Variants in FBF1 observed in about 807,000 individuals in gnomAD.
FBF1 encodes the protein fas-binding factor 1.
In FBF1, 119 loss-of-function variants were observed where a neutral mutation model predicts 147.2. The ratio of observed to expected loss-of-function variants is 0.81; its 90% CI spans 0.70 to 0.94. The LOEUF (loss-of-function observed/expected upper bound fraction) is 0.94. Ranked by LOEUF, FBF1 falls within the 40% of genes least tolerant of loss-of-function variation. The pLI is 0.00. For synonymous variants in FBF1, 601 were observed against 609.0 expected, an observed-to-expected ratio of 0.99 and a Z score of 0.19; for missense variants, 1,449 against 1,500.8, an observed-to-expected ratio of 0.97 and a Z score of 0.57.
chr17:75,932,118 C>T (rs771046906), intron 5 of FBF1, among the ~76,000 whole-genome samples: 22 of 152,246 alleles, frequency 1.4e-4, no homozygotes, highest in Middle Eastern at 3.4e-3. Flanking sequence ...CGGTGGCGCA[C>T]GCCTGTAATA....
At chr17:75,912,135 G>A in intron 29 of FBF1, 57 bp downstream of exon 29, 1 of 1,511,730 alleles carries the variant, frequency 6.6e-7, no homozygotes, top group Non-Finnish European at 9.0e-7. Context: ...CCCTGCCTCT[G>A]CCCTGAGCTG....
chr17:75,935,757 G>A (rs1295350300), intron 3 of FBF1, 84 bp from the exon 4 acceptor site: 7 of 1,332,310 alleles, frequency 5.3e-6, no homozygotes, highest in Non-Finnish European at 7.1e-6. Flanking sequence ...CTCGCCAGAA[G>A]GCGTCAGACC....
At position 75,922,269 on chromosome 17, in the gene FBF1, G is replaced by A. The variant is rs1173744655; in HGVS notation, c.1425-223C>T. Among the ~76,000 whole-genome samples the A allele has an allele frequency of 6.6e-6, 1 of 152,034 alleles. No individual in the cohort carries two copies. Among genetic ancestry groups the A allele is most frequent in the Non-Finnish European group, 1.5e-5 (1 of 68,014 alleles). ...TTCCTGCCTCAATGTCCACAGTGGT[G>A]CAGTGAATGGACACTGTCCAAGCAG... On this transcript the variant is annotated intron_variant, in intron 14 of 29. Transcript: ENST00000636174. This position sits in a 1 kb window ranked among gnomAD's most constrained non-coding sequence, Gnocchi z 5.0.
intron 7 of FBF1, 34 bp downstream of exon 7, chr17:75,929,963 C>CCCCCCCCCA: frequency 1.4e-6 from 2 of 1,393,450 alleles, no homozygotes; most frequent in Middle Eastern, 2.1e-4. Context: ...CCACCCACCC[C>CCCCCCCCCA]CAGTTCTAAG....
chr17:75,934,081 C>G (rs1173124334), intron 4 of FBF1, among the ~76,000 whole-genome samples: 11 of 152,164 alleles, frequency 7.2e-5, no homozygotes, highest in Non-Finnish European at 1.5e-4. Flanking sequence ...AAAACTAGTA[C>G]ACGAACGTTC....
At position 75,915,026 on chromosome 17, in the gene FBF1, T is replaced by C. The variant is rs200586314; in HGVS notation, c.2619A>G (p.Glu873=). The change falls in exon 24 of 30, where the codon GAA becomes GAG. Residue 873 remains glutamate (E), a synonymous_variant. Coordinates refer to ENST00000636174, the MANE Select transcript of FBF1 (RefSeq NM_001319193.2). ...CGGTGGCTTGACTCACCTTGGCCCG[T>C]TCCAGCTCCGCCCTTTCCATGGCCA... is the stretch of plus-strand genomic sequence containing the variant. ...QQMAMERAEL[E]RAKSALLEEQ... is the part of the protein sequence containing the mutation. 88 of 1,613,464 alleles carry C rather than the reference T, an allele frequency of 5.5e-5. 1 individual carries two copies. In the African/African-American group the frequency reaches 1.0e-3, roughly 19 times the overall value.
intron 3 of FBF1, among the ~76,000 whole-genome samples, chr17:75,936,317 AAAC>A (rs2065624829): frequency 6.7e-6 from 1 of 149,876 alleles, no homozygotes; most frequent in South Asian, 2.1e-4. Flanking sequence ...CCGTCTCAAA[AAAC>A]AACAAAAAGA....
chr17:75,927,356 T>A, intron 9 of FBF1, 99 bp downstream of exon 9: 1 of 963,810 alleles, frequency 1.0e-6, no homozygotes, highest in East Asian at 2.6e-5. Flanking sequence ...GGCACCCATG[T>A]GACATAGGCA....
chr17:75,917,797 G>A lies in FBF1; in HGVS notation c.2440C>T (p.Arg814Trp), dbSNP rs1053589484. 1.1e-5 allele frequency: 18 copies of A among 1,610,442 alleles called. No homozygotes were observed. Among genetic ancestry groups the A allele is most frequent in the Non-Finnish European group, 1.4e-5 (17 of 1,179,154 alleles). ...QQRDMEEERSRQQEVIGKMEA... is the reference protein window; with the variant it reads ...QQRDMEEERSWQQEVIGKMEA... ...ATCTTCCCGATGACCTCCTGTTGCC[G>A]GCTCCGCTCCTCCTCCATGTCCCGC... The change falls in exon 23 of 30, where the codon CGG becomes TGG. Residue 814 changes from arginine to tryptophan, a missense_variant. Transcript: ENST00000636174.
chr17:75,921,897 G>A (rs2065530124), intron 15 of FBF1, 48 bp downstream of exon 15: 3 of 1,473,688 alleles, frequency 2.0e-6, no homozygotes, highest in East Asian at 4.9e-5. Flanking sequence ...AGAGGCCTGT[G>A]CTGCCCACCA....
intron 23 of FBF1, among the ~76,000 whole-genome samples, chr17:75,915,844 C>T (rs112487187): frequency 4.6e-5 from 7 of 151,588 alleles, no homozygotes; most frequent in African/African-American, 1.7e-4. Context: ...CCCATCTCTA[C>T]TAAAAATACA....
rs779084315 is a variant in FBF1 at position 75,938,038 on chromosome 17, T to TG, written c.3+108dup. 14 of 1,523,546 alleles carry TG rather than the reference T, an allele frequency of 9.2e-6. No individual in the cohort carries two copies. The East Asian group carries it at 3.3e-4, about 36-fold the overall frequency. 94.4% of individuals were successfully genotyped at this position (1,523,546 alleles called of 1,614,324 possible). On this transcript the variant is annotated intron_variant, in intron 2 of 29. Transcript: ENST00000636174. ...TCACTCTTCTCCAGGGTCTCCATCC[T>TG]GGTCCTTGCCGCCCAGCCCCCAGAG...
rs765802801 is a variant in FBF1 at position 75,913,992 on chromosome 17, T to A, written c.3050A>T (p.Gln1017Leu). 3.2e-6 allele frequency: 5 copies of A among 1,572,334 alleles called. No individual in the cohort carries two copies. In the Admixed American group the frequency reaches 8.9e-5, roughly 28 times the overall value. ...CTGCAACCGGGCCTGCTGCTCTGCC[T>A]GCACCTGCTGGGCCTCGCGCAATGC... ...ERALREAQQV[Q>L]AEQQARLQAV... The change falls in exon 27 of 30, where the codon CAG becomes CTG. Residue 1017 changes from glutamine (Q) to leucine (L), a missense_variant. Physicochemically the swap from Gln to Leu is moderately radical, Grantham distance 113. Transcript: ENST00000636174.
chr17:75,932,047 T>C (rs1472152433), intron 5 of FBF1, among the ~76,000 whole-genome samples: 1 of 152,142 alleles, frequency 6.6e-6, no homozygotes, highest in Non-Finnish European at 1.5e-5. Context: ...CTGCTGACCT[T>C]TTGTGCAGTT....
Position 75,925,866 on chromosome 17 carries a change from G to T in FBF1, c.868+164C>A, listed in dbSNP as rs143730049. The stretch of plus-strand genomic sequence containing the variant: ...CAACTGAGCACGAACAGTGGTCACG[G>T]TAAGTATTATTTCACGGTAAGTATT... On this transcript the variant is annotated intron_variant, in intron 12 of 29. Transcript: ENST00000636174. The surrounding 1 kb of genome is among the most constrained non-coding windows in gnomAD (Gnocchi z 5.0). Among the ~76,000 whole-genome samples, 38 of 152,312 alleles carry T rather than the reference G, an allele frequency of 2.5e-4. No individual in the cohort carries two copies. Among genetic ancestry groups the T allele is most frequent in the African/African-American group, 8.9e-4 (37 of 41,568 alleles).
Position 75,919,683 on chromosome 17 carries a change from A to T in FBF1, c.2123T>A (p.Leu708His). 6.2e-7 allele frequency: 1 copy of T among 1,606,286 alleles called. No individual in the cohort carries two copies. The highest frequency in any genetic ancestry group is 1.1e-5 in the South Asian group (1 of 90,224). Residue 708 changes from leucine to histidine, a missense_variant, in exon 20 of 30, where the codon CTC becomes CAC. Coordinates refer to ENST00000636174, the MANE Select transcript of FBF1 (RefSeq NM_001319193.2). The surrounding 1 kb of genome is among the most constrained non-coding windows in gnomAD (Gnocchi z 5.0). ...TGGGCCTCACCGCTGCAGCTCCCGG[A>T]GCCGCTCCATTTCCTGGTCCTTCTC... ...AQEKDQEMER[L>H]RELQRASILD...
chr17:75,928,301 A>T lies in FBF1; in HGVS notation c.280-108T>A. The T allele has an allele frequency of 1.2e-6, 1 of 827,656 alleles. No individual in the cohort carries two copies. Among genetic ancestry groups the T allele is most frequent in the Non-Finnish European group, 2.0e-6 (1 of 506,864 alleles). The allele number at this position is 827,656 out of a possible 1,614,324, so 51.3% of individuals were successfully genotyped here. On this transcript the variant is annotated intron_variant, in intron 7 of 29. Transcript: ENST00000636174. This position sits in a 1 kb window ranked among gnomAD's most constrained non-coding sequence, Gnocchi z 4.2. ...ACCCCAGGTGTAGAATTGTGAGAAAACAAAGGAAAATGAGAAAACTGTTGA... is the reference window on the plus strand; with the variant it reads ...ACCCCAGGTGTAGAATTGTGAGAAATCAAAGGAAAATGAGAAAACTGTTGA...
rs375939186 is a variant in FBF1, at chr17:75,935,523, G to A, written c.73+109C>T. ...ATCCCAGCACTTTGGTTTAGGAGGC[G>A]GGAGGATCATTTCAGTCCAGAAGCT... On this transcript the variant is annotated intron_variant, in intron 4 of 29. Transcript: ENST00000636174. 1.2e-4 allele frequency: 137 copies of A among 1,160,156 alleles called. No individual in the cohort carries two copies. The East Asian group carries it at 2.7e-3, about 23-fold the overall frequency. The allele number at this position is 1,160,156 out of a possible 1,614,324, so 71.9% of individuals were successfully genotyped here.
At position 75,927,799 on chromosome 17, in the gene FBF1, T is replaced by C. The variant is rs535693055; in HGVS notation, c.398-267A>G. Among the ~76,000 whole-genome samples, 75 of 152,246 alleles carry C rather than the reference T, an allele frequency of 4.9e-4. 1 individual carries two copies. In the East Asian group the frequency reaches 6.0e-3, roughly 12 times the overall value. On this transcript the variant is annotated intron_variant, in intron 8 of 29. Coordinates refer to ENST00000636174, the MANE Select transcript of FBF1 (RefSeq NM_001319193.2). The stretch of plus-strand genomic sequence containing the variant: ...AGAGGCACAGGCTGCCATAGAGTTC[T>C]CCATTTTAACTCACACAGCTTCTCC...
Sources: allele counts gnomAD v4.1 joint callset (sites outside exome capture counted in the v4.1 genomes callset), GRCh38; gene constraint gnomAD v4.1.1; non-coding constraint Gnocchi (gnomAD v3.1); transcripts MANE v1.5; gene names NCBI Gene and HGNC (gene_info 2026-07-23, HGNC 2026-07-21).